Variants in SAMD4A observed in about 807,000 individuals in gnomAD.
SAMD4A encodes protein Smaug homolog 1.
SAMD4A carries 33 observed loss-of-function variants against 81.3 expected under a neutral mutation model. The ratio of observed to expected loss-of-function variants is 0.41; its 90% CI spans 0.31 to 0.54. SAMD4A has a LOEUF of 0.54. SAMD4A is among the 20% of genes least tolerant of loss of function. The pLI is 0.37. For missense variants in SAMD4A, 854 were observed against 951.1 expected (o/e 0.90, Z 1.34); for synonymous variants, 389 against 382.1 (o/e 1.02, Z -0.21).
chr14:54,740,040 C>T (rs189243549), intron 4 of SAMD4A, among the ~76,000 whole-genome samples: 3 of 152,198 alleles, frequency 2.0e-5, no homozygotes, highest in East Asian at 1.9e-4. Flanking sequence ...TGTGGTGGCA[C>T]GCAGCTGTAA....
Position 54,760,345 on chromosome 14 carries a change from C to T in SAMD4A, c.1361C>T (p.Ala454Val). 6.3e-7 allele frequency: 1 copy of T among 1,592,172 alleles called. No homozygotes were observed. Among genetic ancestry groups the T allele is most frequent in the Non-Finnish European group, 8.5e-7 (1 of 1,173,790 alleles). The stretch of plus-strand genomic sequence containing the variant: ...CAGAGCCCCGACTGCAAAGATGGGG[C>T]CGCAGCCACTGGCGCCACGGCCACC... Reference protein sequence around the residue: ...ESQSPDCKDGAAATGATATPS... With the variant: ...ESQSPDCKDGVAATGATATPS... Residue 454 changes from alanine to valine, a missense_variant, in exon 7 of 13, where the codon GCC becomes GTC. Ala to Val is a moderately conservative substitution (Grantham distance 64). This residue lies in a region of SAMD4A where 428 missense variants were observed against 471.2 expected (regional missense o/e 0.91). Transcript: ENST00000554335.
chr14:54,766,008 T>C (rs1407663823), intron 8 of SAMD4A, among the ~76,000 whole-genome samples: 1 of 152,184 alleles, frequency 6.6e-6, no homozygotes, highest in Non-Finnish European at 1.5e-5. Flanking sequence ...GCCGCCTAGG[T>C]TGGGGGCTCA....
chr14:54,588,800 A>G (rs2033696050), intron 2 of SAMD4A, among the ~76,000 whole-genome samples: 3 of 152,106 alleles, frequency 2.0e-5, no homozygotes, highest in Admixed American at 1.3e-4. Context: ...TTTGTCATAT[A>G]TATGGATTTC....
chr14:54,655,967 A>G (rs1171160287), intron 2 of SAMD4A, among the ~76,000 whole-genome samples: 1 of 152,186 alleles, frequency 6.6e-6, no homozygotes, highest in East Asian at 1.9e-4. Context: ...TTTGGTGAGG[A>G]AAGGAGTTAA....
chr14:54,566,753 G>A (rs1011164420), upstream of SAMD4A, among the ~76,000 whole-genome samples: 7 of 151,722 alleles, frequency 4.6e-5, no homozygotes, highest in African/African-American at 1.7e-4. Context: ...ACACACGCGC[G>A]CACACACACA....
chr14:54,767,974 T>C (rs1296057220), intron 8 of SAMD4A, among the ~76,000 whole-genome samples: 1 of 152,180 alleles, frequency 6.6e-6, no homozygotes, highest in Non-Finnish European at 1.5e-5. Flanking sequence ...TGCGCCGACC[T>C]CCCCAGGAAG....
intron 2 of SAMD4A, among the ~76,000 whole-genome samples, chr14:54,568,490 C>T (rs1462370235): frequency 6.6e-6 from 1 of 151,450 alleles, no homozygotes; most frequent in African/African-American, 2.4e-5. Flanking sequence ...TTTTGGGCAA[C>T]GTGGCTCGCT....
intron 2 of SAMD4A, among the ~76,000 whole-genome samples, chr14:54,660,083 A>C (rs75134284): frequency 6.7e-6 from 1 of 149,148 alleles, no homozygotes; most frequent in Non-Finnish European, 1.5e-5. Context: ...CCGTCTCAGA[A>C]AAAAAAAAAA....
intron 2 of SAMD4A, among the ~76,000 whole-genome samples, chr14:54,586,476 G>C (rs1264336687): frequency 6.6e-6 from 1 of 152,088 alleles, no homozygotes; most frequent in African/African-American, 2.4e-5. Flanking sequence ...ATTTGCTTTT[G>C]GGTTCTTGAT....
chr14:54,737,322 GC>G, intron 4 of SAMD4A, 35 bp downstream of exon 4: 1 of 1,610,536 alleles, frequency 6.2e-7, no homozygotes, highest in Non-Finnish European at 8.5e-7. Flanking sequence ...TGGGGAAAGA[GC>G]CCCTCCCTTT....
chr14:54,784,291 G>A (rs2039077783), intron 11 of SAMD4A: 1 of 1,431,708 alleles, frequency 7.0e-7, no homozygotes, highest in Non-Finnish European at 9.6e-7. Context: ...AGCAGAGGAG[G>A]CACAGACTGT....
At chr14:54,764,986 G>T (rs1170181532) in intron 8 of SAMD4A, among the ~76,000 whole-genome samples, 1 of 152,216 alleles carries the variant, frequency 6.6e-6, no homozygotes, top group Non-Finnish European at 1.5e-5. Context: ...GTGTGTGTTT[G>T]GGCTTGCGAT....
chr14:54,751,295 A>C (rs1391024071), intron 5 of SAMD4A, among the ~76,000 whole-genome samples, 156 bp from the exon 6 acceptor site: 1 of 152,200 alleles, frequency 6.6e-6, no homozygotes, highest in African/African-American at 2.4e-5. Context: ...GAGGTTTATG[A>C]TGATGGGTAC....
At chr14:54,636,931 C>G (rs546550464) in intron 2 of SAMD4A, among the ~76,000 whole-genome samples, 1 of 152,122 alleles carries the variant, frequency 6.6e-6, no homozygotes, top group East Asian at 1.9e-4. Context: ...TAAAAGAGAC[C>G]GATCAAGGGG....
chr14:54,721,410 A>G (rs1250675521), intron 3 of SAMD4A, among the ~76,000 whole-genome samples: 2 of 152,214 alleles, frequency 1.3e-5, no homozygotes, highest in Non-Finnish European at 1.5e-5. Flanking sequence ...ACTTTATGCT[A>G]CTTAGAGCCA....
chr14:54,638,884 A>G (rs1427853996), intron 2 of SAMD4A, among the ~76,000 whole-genome samples: 1 of 152,228 alleles, frequency 6.6e-6, no homozygotes, highest in Non-Finnish European at 1.5e-5. Context: ...AGTTAGTGCT[A>G]TTTTAAATGG....
chr14:54,758,386 GGAAATGTTTGGGTGCA>G (rs1410763308), intron 6 of SAMD4A, among the ~76,000 whole-genome samples: 3 of 152,206 alleles, frequency 2.0e-5, no homozygotes. Context: ...TCGATTGATT[GGAAATGTTTGGGTGCA>G]GAAATGATCA....
chr14:54,710,200 T>C (rs951733847), intron 3 of SAMD4A, among the ~76,000 whole-genome samples: 3 of 152,166 alleles, frequency 2.0e-5, no homozygotes, highest in Admixed American at 1.3e-4. Context: ...TCATGGCACA[T>C]TGTGGAATCT....
At chr14:54,681,797 G>A in intron 2 of SAMD4A, 1 of 985,314 alleles carries the variant, frequency 1.0e-6, no homozygotes, top group Non-Finnish European at 1.2e-6. Context: ...TATGCAGGGA[G>A]ATGAGTTTAG....
Sources: gnomAD v4.1 joint callset for allele counts (sites outside exome capture counted in the v4.1 genomes callset) on GRCh38, gnomAD v4.1.1 for gene constraint, gnomAD v4.1.1 regional missense constraint, MANE v1.5 for transcripts, NCBI Gene and HGNC (gene_info 2026-07-23, HGNC 2026-07-21) for gene names.